The following ITPR1 variants were observed in gnomAD, a reference collection of about 807,000 sequenced individuals.
The protein encoded by ITPR1 is inositol 1,4,5-trisphosphate-gated calcium channel ITPR1.
In ITPR1, 96 loss-of-function variants were observed where a neutral mutation model predicts 318.4. The ratio of observed to expected loss-of-function variants is 0.30; its 90% confidence interval spans 0.26 to 0.36. The LOEUF (loss-of-function observed/expected upper bound fraction) is 0.36, where lower values mean the gene tolerates loss of function less well. Among genes scored for constraint, ITPR1 ranks in the 10% least tolerant of loss-of-function variants. The probability of loss-of-function intolerance (pLI) is 1.00; values close to 1 mark genes in which losing one functional copy is unlikely to be tolerated. For synonymous variants in ITPR1, 1,312 were observed against 1,289.9 expected (o/e 1.02, Z -0.37); for missense variants, 2,440 against 3,460.2 (o/e 0.71, Z 7.40).
intron 4 of ITPR1, among the ~76,000 whole-genome samples, chr3:4,599,922 A>G (rs891456677): frequency 1.3e-5 from 2 of 152,128 alleles, no homozygotes; most frequent in African/African-American, 4.8e-5. Flanking sequence ...CAGGATAATG[A>G]AGATCTTAGT....
intron 13 of ITPR1, 37 bp from the exon 14 acceptor site, chr3:4,660,951 A>G (rs1468387723): frequency 1.8e-6 from 2 of 1,109,134 alleles, no homozygotes; most frequent in Non-Finnish European, 2.7e-6. Context: ...AAACCTCAAT[A>G]TTTATTTCCC....
chr3:4,568,712 G>C (rs970737398), intron 4 of ITPR1, among the ~76,000 whole-genome samples: 1 of 152,210 alleles, frequency 6.6e-6, no homozygotes, highest in African/African-American at 2.4e-5. Flanking sequence ...TGTGTGGCTG[G>C]AATAGAGGGA....
chr3:4,631,275 G>C (rs185789194), intron 5 of ITPR1, among the ~76,000 whole-genome samples: 226 of 151,920 alleles, frequency 1.5e-3, no homozygotes, highest in African/African-American at 5.3e-3. Context: ...TGAGCTTGGT[G>C]CACACAATCA....
At chr3:4,502,716 G>A (rs988784855) in intron 2 of ITPR1, among the ~76,000 whole-genome samples, 4 of 151,866 alleles carry the variant, frequency 2.6e-5, no homozygotes, top group African/African-American at 9.7e-5. Flanking sequence ...TGGGATTACA[G>A]GCGTGATCCA....
intron 44 of ITPR1, chr3:4,751,027 G>T (rs1467959999): frequency 6.6e-6 from 1 of 152,668 alleles, no homozygotes; most frequent in African/African-American, 2.4e-5. Context: ...TCCAAATTCA[G>T]ATTGCTCCAA....
chr3:4,656,206 C>T (rs1236333412), intron 12 of ITPR1, among the ~76,000 whole-genome samples: 9 of 152,360 alleles, frequency 5.9e-5, no homozygotes, highest in African/African-American at 2.2e-4. Flanking sequence ...TGTCAGGACG[C>T]TGCCTCTCAG....
intron 5 of ITPR1, among the ~76,000 whole-genome samples, chr3:4,635,942 C>A (rs1003722651): frequency 2.6e-5 from 4 of 151,584 alleles, no homozygotes; most frequent in African/African-American, 9.7e-5. Flanking sequence ...CTCACTGCAA[C>A]CTCTGCCTCC....
intron 4 of ITPR1, among the ~76,000 whole-genome samples, chr3:4,618,577 A>AGAGTTAGT (rs2092475316): frequency 6.6e-6 from 1 of 152,160 alleles, no homozygotes; most frequent in African/African-American, 2.4e-5. Context: ...ACCTTCCCCT[A>AGAGTTAGT]GAGTTAGTGA....
intron 51 of ITPR1, among the ~76,000 whole-genome samples, chr3:4,784,943 A>G (rs2047087893): frequency 6.6e-6 from 1 of 152,130 alleles, no homozygotes; most frequent in Non-Finnish European, 1.5e-5. Context: ...GGAGATGGCC[A>G]TAATGTGAAA....
chr3:4,584,232 G>A (rs1358354195), intron 4 of ITPR1, among the ~76,000 whole-genome samples: 1 of 152,060 alleles, frequency 6.6e-6, no homozygotes, highest in Non-Finnish European at 1.5e-5. Flanking sequence ...CATGTTCTCA[G>A]CACCCACCTC....
At chr3:4,617,067 T>C (rs958694908) in intron 4 of ITPR1, among the ~76,000 whole-genome samples, 1 of 152,050 alleles carries the variant, frequency 6.6e-6, no homozygotes, top group African/African-American at 2.4e-5. Flanking sequence ...TATAGCAGAA[T>C]GGCTGGATTA....
intron 58 of ITPR1, 179 bp downstream of exon 58, chr3:4,814,741 G>A (rs1180685604): frequency 1.7e-5 from 11 of 647,786 alleles, no homozygotes; most frequent in East Asian, 8.2e-5. Context: ...AGGTGGTGCC[G>A]CAAAGTCAGC....
chr3:4,749,071 C>G (rs1370302980), intron 44 of ITPR1: 1 of 152,242 alleles, frequency 6.6e-6, no homozygotes. Context: ...GACTCTTGTC[C>G]TGTCCCAACA....
intron 2 of ITPR1, among the ~76,000 whole-genome samples, chr3:4,505,168 C>T (rs1224873487): frequency 1.3e-5 from 2 of 152,142 alleles, no homozygotes; most frequent in Non-Finnish European, 2.9e-5. Flanking sequence ...AAGCCCCTCT[C>T]TTTGCTGCCT....
chr3:4,632,651 A>G (rs1336443607), intron 5 of ITPR1, among the ~76,000 whole-genome samples: 1 of 152,210 alleles, frequency 6.6e-6, no homozygotes, highest in Non-Finnish European at 1.5e-5. Context: ...GAAATGGCTC[A>G]GGCTGGATGT....
In ITPR1 at chr3:4,702,704, CAA is replaced by C. The variant is rs1376541387; in HGVS notation, c.4537-125_4537-124del. 9 of 1,031,202 alleles carry C rather than the reference CAA, an allele frequency of 8.7e-6. No individual in the cohort carries two copies. In the African/African-American group the frequency reaches 1.4e-4, roughly 16 times the overall value. The allele number at this position is 1,031,202 out of a possible 1,614,324, so 63.9% of individuals were successfully genotyped here. On this transcript the variant is annotated intron_variant, in intron 35 of 61. Coordinates refer to ENST00000649015, the MANE Select transcript of ITPR1 (RefSeq NM_001378452.1). ...TCACCCTTGCCTCAGGGTCCATTAACAAGGCAGTGTCTGTCTCTGATCTGGGG... is the reference window on the plus strand; with the variant it reads ...TCACCCTTGCCTCAGGGTCCATTAACGGCAGTGTCTGTCTCTGATCTGGGG...
intron 44 of ITPR1, among the ~76,000 whole-genome samples, chr3:4,752,288 G>T (rs1001594761): frequency 4.8e-4 from 73 of 152,314 alleles, no homozygotes; most frequent in African/African-American, 1.7e-3. Context: ...CAAGTCTGGG[G>T]AGGGAGCCAG....
chr3:4,720,528 T>C (rs1024863054), intron 40 of ITPR1, among the ~76,000 whole-genome samples: 8 of 152,170 alleles, frequency 5.3e-5, no homozygotes, highest in African/African-American at 1.9e-4. Context: ...GATTGGTGTG[T>C]TTAGAAAGCA....
chr3:4,804,830 G>A (rs572183392), intron 54 of ITPR1, among the ~76,000 whole-genome samples: 3 of 152,248 alleles, frequency 2.0e-5, no homozygotes, highest in African/African-American at 4.8e-5. Flanking sequence ...CGGCTTCCTC[G>A]CTTATCTGAT....
Sources: gnomAD v4.1 joint callset for allele counts (sites outside exome capture counted in the v4.1 genomes callset) on GRCh38, gnomAD v4.1.1 for gene constraint, MANE v1.5 for transcripts, NCBI Gene and HGNC (gene_info 2026-07-23, HGNC 2026-07-21) for gene names.